ARID2: variants seen among roughly 807,000 people sequenced by gnomAD.
ARID2 encodes the protein AT-rich interaction domain 2.
A neutral mutation model predicts 184.6 loss-of-function variants in ARID2; 32 were observed. That is an observed-to-expected ratio of 0.17 (90% CI 0.13 to 0.23). The LOEUF (loss-of-function observed/expected upper bound fraction) is 0.23, where lower values mean the gene tolerates loss of function less well. Among genes scored for constraint, ARID2 ranks in the 10% least tolerant of loss-of-function variants. The pLI is 1.00. For synonymous variants in ARID2, 836 were observed against 772.6 expected (o/e 1.08, Z -1.36); for missense variants, 1,696 against 2,197.6 (o/e 0.77, Z 4.56).
At chr12:45,823,342 C>G (rs1212464287) in intron 6 of ARID2, among the ~76,000 whole-genome samples, 1 of 151,792 alleles carries the variant, frequency 6.6e-6, no homozygotes, top group African/African-American at 2.4e-5. Context: ...ATGCCTACAT[C>G]AAAAAAGTAG....
intron 15 of ARID2, among the ~76,000 whole-genome samples, chr12:45,857,839 A>T (rs747024114): frequency 2.0e-5 from 3 of 151,916 alleles, no homozygotes; most frequent in Non-Finnish European, 2.9e-5. Flanking sequence ...GGCTCACTGC[A>T]ACCTCTGCCT....
chr12:45,774,869 T>C (rs1436499690), intron 3 of ARID2, among the ~76,000 whole-genome samples: 13 of 152,212 alleles, frequency 8.5e-5, no homozygotes, highest in Admixed American at 8.5e-4. Context: ...TTTACTGCTG[T>C]TCTTGATTTT....
chr12:45,741,346 T>C (rs959355181), intron 3 of ARID2, among the ~76,000 whole-genome samples: 1 of 152,090 alleles, frequency 6.6e-6, no homozygotes, highest in African/African-American at 2.4e-5. Context: ...TACAGGCGCA[T>C]GCCACCCTGC....
intron 16 of ARID2, chr12:45,880,989 T>G (rs1944090843): frequency 5.1e-6 from 1 of 197,360 alleles, no homozygotes. Context: ...AGATTTTGTT[T>G]GAGGCATTGG....
chr12:45,734,211 A>G (rs1941063816), intron 3 of ARID2, among the ~76,000 whole-genome samples: 1 of 152,110 alleles, frequency 6.6e-6, no homozygotes. Context: ...TCTACCAAAA[A>G]TAGAAAAATT....
intron 3 of ARID2, among the ~76,000 whole-genome samples, chr12:45,805,090 G>A (rs1164319872): frequency 6.6e-6 from 1 of 151,994 alleles, no homozygotes; most frequent in Non-Finnish European, 1.5e-5. Context: ...CTTTATGGAT[G>A]TTTGTGTTGT....
Position 45,731,304 on chromosome 12 carries a change from T to C in ARID2, c.274T>C (p.Tyr92His). ...TAACGCTGCCTTTGCTTTAAAACAG[T>C]ATTACTTGCGGTGAGTAGTAGTGAC... ...CSNAAFALKQYYLRYLEKYEK... is the reference protein window; with the variant it reads ...CSNAAFALKQHYLRYLEKYEK... The change falls in exon 3 of 21, where the codon TAT becomes CAT. Residue 92 changes from tyrosine (Y) to histidine (H), a missense_variant. Tyr to His is a moderately conservative substitution (Grantham distance 83, BLOSUM62 2). Transcript: ENST00000334344. 1 of 1,612,742 alleles carries C rather than the reference T, an allele frequency of 6.2e-7. No homozygotes were observed. Among genetic ancestry groups the C allele is most frequent in the East Asian group, 2.2e-5 (1 of 44,850 alleles).
intron 16 of ARID2, among the ~76,000 whole-genome samples, chr12:45,866,268 G>C (rs184618358): frequency 6.6e-6 from 1 of 151,900 alleles, no homozygotes; most frequent in Non-Finnish European, 1.5e-5. Flanking sequence ...AAATAGAACT[G>C]CTCGTCCTTT....
intron 16 of ARID2, among the ~76,000 whole-genome samples, chr12:45,861,342 A>G (rs938383086): frequency 3.9e-5 from 6 of 152,154 alleles, no homozygotes; most frequent in African/African-American, 1.4e-4. Context: ...ATGTGCTAGA[A>G]AGAGAATGAC....
intron 16 of ARID2, among the ~76,000 whole-genome samples, chr12:45,883,110 A>C (rs547713803): frequency 2.0e-5 from 3 of 152,276 alleles, no homozygotes; most frequent in African/African-American, 7.2e-5. Context: ...ATGAGCCTTC[A>C]TAAATGTGAG....
chr12:45,768,843 A>G lies in ARID2; in HGVS notation c.284+37529A>G, dbSNP rs73290794. ...ATGCTTCAGCACATTGTTGAAAACA[A>G]TGGAGTAATCAGCCAGCAATTGGTG... On this transcript the variant is annotated intron_variant, in intron 3 of 20. Coordinates refer to ENST00000334344, the MANE Select transcript of ARID2 (RefSeq NM_152641.4). Among the ~76,000 whole-genome samples the G allele has an allele frequency of 6.7e-3, 1,009 of 149,634 alleles. 8 individuals carry two copies. Among genetic ancestry groups the G allele is most frequent in the African/African-American group, 0.02 (776 of 39,132 alleles).
Position 45,836,824 on chromosome 12 carries a change from G to A in ARID2, c.856G>A (p.Val286Ile), listed in dbSNP as rs2138127225. 6.2e-7 allele frequency: 1 copy of A among 1,614,136 alleles called. No individual in the cohort carries two copies. The highest frequency in any genetic ancestry group is 8.5e-7 in the Non-Finnish European group (1 of 1,180,016). ...LGINDIEGQR[V>I]LQIAVILRNL... ...CATTAACGATATTGAAGGACAGCGG[G>A]TACTTCAGATTGCAGTGATTTTGAG... The change falls in exon 8 of 21, where the codon GTA (valine) becomes ATA (isoleucine). Residue 286 changes from valine (V) to isoleucine (I), a missense_variant. Transcript: ENST00000334344.
At chr12:45,881,921 G>A in intron 16 of ARID2, 2 of 197,860 alleles carry the variant, frequency 1.0e-5, no homozygotes, top group Non-Finnish European at 1.1e-5. Context: ...CGTGGAACAT[G>A]CCAGAGGTCA....
At chr12:45,881,409 C>G (rs1368130174) in intron 16 of ARID2, 2 of 155,124 alleles carry the variant, frequency 1.3e-5, no homozygotes, top group African/African-American at 2.4e-5. Flanking sequence ...TGCTACCCCA[C>G]TCTCTTTCCT....
chr12:45,730,873 C>CTTT (rs564524227), intron 2 of ARID2, among the ~76,000 whole-genome samples: 13 of 96,682 alleles, frequency 1.3e-4, no homozygotes, highest in African/African-American at 4.8e-4. Flanking sequence ...TCCTTTTGAA[C>CTTT]TTTTTTTTTT....
chr12:45,799,073 AC>A (rs1370953617), intron 3 of ARID2, among the ~76,000 whole-genome samples: 1 of 152,056 alleles, frequency 6.6e-6, no homozygotes, highest in African/African-American at 2.4e-5. Flanking sequence ...TATTTTAACC[AC>A]ATAAAAAGCT....
At chr12:45,784,615 G>C (rs1467499766) in intron 3 of ARID2, among the ~76,000 whole-genome samples, 1 of 152,160 alleles carries the variant, frequency 6.6e-6, no homozygotes, top group Non-Finnish European at 1.5e-5. Flanking sequence ...ACTGAGCCGA[G>C]ATCGTGCTAC....
At chr12:45,881,315 TG>T (rs1265698671) in intron 16 of ARID2, 2 of 165,278 alleles carry the variant, frequency 1.2e-5, no homozygotes, top group Non-Finnish European at 2.7e-5. Context: ...CCACCTCACC[TG>T]GTCTGTGTGC....
Position 45,831,417 on chromosome 12 carries a change from T to C in ARID2, c.706-5172T>C, listed in dbSNP as rs151106719. On this transcript the variant is annotated intron_variant, in intron 6 of 20. Transcript: ENST00000334344. ...GTTATGGATATGTAGTAGGTTCATA[T>C]ATTTAGGGATACAGGAGATATTTTG... Among the ~76,000 whole-genome samples, 5 of 152,332 alleles carry C rather than the reference T, an allele frequency of 3.3e-5. No individual in the cohort carries two copies. In the East Asian group the frequency reaches 9.6e-4, roughly 29 times the overall value.
Sources: gnomAD v4.1 joint callset for allele counts (sites outside exome capture counted in the v4.1 genomes callset) on GRCh38, gnomAD v4.1.1 for gene constraint, MANE v1.5 for transcripts, NCBI Gene and HGNC (gene_info 2026-07-23, HGNC 2026-07-21) for gene names.